Variants in VPS52 observed in about 807,000 individuals in gnomAD.
The protein encoded by VPS52 is vacuolar protein sorting-associated protein 52 homolog.
Under a neutral mutation model 98.7 loss-of-function variants are expected in VPS52, and 56 were observed. The observed-to-expected ratio is 0.57, with a 90% CI of 0.46 to 0.71. The LOEUF is 0.71. Ranked by LOEUF, VPS52 falls within the 30% of genes least tolerant of loss-of-function variation. The pLI is 0.00. For missense variants in VPS52, 742 were observed against 925.9 expected, an observed-to-expected ratio of 0.80 and a Z score of 2.58; for synonymous variants, 348 against 346.4, an observed-to-expected ratio of 1.00 and a Z score of -0.05.
intron 14 of VPS52, 134 bp from the exon 15 acceptor site, chr6:33,264,237 A>G (rs1460056849): frequency 1.9e-6 from 3 of 1,543,644 alleles, no homozygotes; most frequent in East Asian, 4.5e-5. Flanking sequence ...TGCACCACTC[A>G]CCATGAGTTT....
chr6:33,250,762 C>T lies in VPS52; in HGVS notation c.*79G>A, dbSNP rs1393069672. 6.5e-6 allele frequency: 10 copies of T among 1,546,418 alleles called. No individual in the cohort carries two copies. The highest frequency in any genetic ancestry group is 8.7e-6 in the Non-Finnish European group (10 of 1,144,632). ...GCAAGGGGAAAACTGGAAGGGGTAC[C>T]CCAGGTGAAGAAGGGTATGGAATGG... On this transcript the variant is annotated 3_prime_UTR_variant, in exon 20 of 20. Transcript: ENST00000445902.
Position 33,267,081 on chromosome 6 carries a change from G to T in VPS52, c.1125+107C>A. The T allele has an allele frequency of 2.1e-6, 3 of 1,401,358 alleles. No individual in the cohort carries two copies. The highest frequency in any genetic ancestry group is 2.8e-6 in the Non-Finnish European group (3 of 1,063,474). 86.8% of individuals were successfully genotyped at this position (1,401,358 alleles called of 1,614,324 possible). ...AGAAGGCCACTCCCAAGTCTAAGGG[G>T]ATTAAGACAGGGCCTGCAGGTTGGG... On this transcript the variant is annotated intron_variant, in intron 11 of 19. Transcript: ENST00000445902. This position sits in a 1 kb window ranked among gnomAD's most constrained non-coding sequence, Gnocchi z 4.2.
chr6:33,266,553 T>C lies in VPS52; in HGVS notation c.1281+4A>G. 6.3e-7 allele frequency: 1 copy of C among 1,597,172 alleles called. No homozygotes were observed. Among genetic ancestry groups the C allele is most frequent in the Non-Finnish European group, 8.5e-7 (1 of 1,170,710 alleles). ...TTGAATGGTACAGGAAACAGGAGTC[T>C]TACCAGGGTCATGCTGAGTGTACGG... On this transcript the variant is annotated splice_donor_region_variant and intron_variant, in intron 12 of 19. Transcript: ENST00000445902.
At chr6:33,257,878 T>C (rs1186903538) in intron 17 of VPS52, among the ~76,000 whole-genome samples, 1 of 152,056 alleles carries the variant, frequency 6.6e-6, no homozygotes, top group Non-Finnish European at 1.5e-5. Flanking sequence ...TAGCTGGGCA[T>C]ATGGCACACA....
chr6:33,251,008 AG>A, intron 19 of VPS52, 21 bp from the exon 20 acceptor site: 1 of 1,613,016 alleles, frequency 6.2e-7, no homozygotes, highest in Non-Finnish European at 8.5e-7. Flanking sequence ...AAAGTCATTG[AG>A]GGATCAAACC....
At chr6:33,260,724 G>A (rs1348712580) in intron 17 of VPS52, among the ~76,000 whole-genome samples, 2 of 152,168 alleles carry the variant, frequency 1.3e-5, no homozygotes, top group Non-Finnish European at 2.9e-5. Context: ...TCTAGGCCGG[G>A]TGCAGTGACT....
chr6:33,256,849 A>AG (rs1358471237), intron 17 of VPS52, among the ~76,000 whole-genome samples: 1 of 138,542 alleles, frequency 7.2e-6, no homozygotes. Flanking sequence ...CTAAAAAAAA[A>AG]AAAAAAGAAA....
Position 33,250,760 on chromosome 6 carries a change from AC to A in VPS52, c.*80del. On this transcript the variant is annotated 3_prime_UTR_variant, in exon 20 of 20. Transcript: ENST00000445902. ...AAGCAAGGGGAAAACTGGAAGGGGT[AC>A]CCCAGGTGAAGAAGGGTATGGAATG... 2 of 1,542,770 alleles carry A rather than the reference AC, an allele frequency of 1.3e-6. No homozygotes were observed. Among genetic ancestry groups the A allele is most frequent in the Non-Finnish European group, 8.8e-7 (1 of 1,142,034 alleles).
chr6:33,271,857 GGAAGTCT>G lies in VPS52; in HGVS notation c.-189_-183del. 1 of 1,347,884 alleles carries G rather than the reference GGAAGTCT, an allele frequency of 7.4e-7. No individual in the cohort carries two copies. Among genetic ancestry groups the G allele is most frequent in the Non-Finnish European group, 9.8e-7 (1 of 1,015,956 alleles). The allele number at this position is 1,347,884 out of a possible 1,614,324, so 83.5% of individuals were successfully genotyped here. A position where few individuals can be genotyped will look rare whatever the true frequency, so the allele number is the denominator to read the frequency against. On this transcript the variant is annotated 5_prime_UTR_variant, in exon 1 of 20. Coordinates refer to ENST00000445902, the MANE Select transcript of VPS52 (RefSeq NM_022553.6). ...TTCACCCAACTGCAAATGGAAATAT[GGAAGTCT>G]GAAACACAAACTAGCCCCGGAACCT...
intron 11 of VPS52, 86 bp from the exon 12 acceptor site, chr6:33,266,798 C>A (rs971265942): frequency 6.6e-7 from 1 of 1,504,186 alleles, no homozygotes; most frequent in Non-Finnish European, 9.0e-7. Context: ...AATCAGTAAA[C>A]CTGAGTAATA....
intron 19 of VPS52, among the ~76,000 whole-genome samples, 165 bp from the exon 20 acceptor site, chr6:33,251,152 G>A (rs1426630764): frequency 6.6e-6 from 1 of 152,128 alleles, no homozygotes; most frequent in East Asian, 1.9e-4. Flanking sequence ...GACCAGCCTG[G>A]CCAACACAGT....
rs1185998399 is a variant in VPS52 at position 33,267,876 on chromosome 6, T to C, written c.922A>G (p.Met308Val). 1 of 1,613,114 alleles carries C rather than the reference T, an allele frequency of 6.2e-7. No individual in the cohort carries two copies. The highest frequency in any genetic ancestry group is 1.7e-5 in the Admixed American group (1 of 60,020). Residue 308 changes from methionine to valine, a missense_variant, in exon 9 of 20, where the codon ATG becomes GTG. By Grantham distance (21) the Met-to-Val change is conservative. Around this residue, in one of 2 missense-constraint regions of VPS52, gnomAD observed 590 missense variants for 793.3 expected, o/e 0.74. Transcript: ENST00000445902. The surrounding 1 kb of genome is among the most constrained non-coding windows in gnomAD (Gnocchi z 4.2). ...SYYRSYLGRL[M>V]KVQYEEVAEK... ...CCTCCTGACCTTACCTGCACCTTCA[T>C]GAGCCGCCCCAGGTAAGAGCGGTAG...
intron 5 of VPS52, 61 bp from the exon 6 acceptor site, chr6:33,269,250 C>A: frequency 6.3e-7 from 1 of 1,594,102 alleles, no homozygotes; most frequent in Non-Finnish European, 8.6e-7. Context: ...AGTGGGCCAC[C>A]AAAGACTCTT....
chr6:33,266,620 C>G lies in VPS52; in HGVS notation c.1218G>C (p.Val406=). The change falls in exon 12 of 20, where the codon GTG becomes GTC. Residue 406 remains valine (V), a synonymous_variant. Coordinates refer to ENST00000445902, the MANE Select transcript of VPS52 (RefSeq NM_022553.6). ...EYLFICEFFV[V]SGPAAHDLFH... is the part of the protein sequence containing the mutation. ...ACAGGTCGTGTGCAGCTGGGCCAGA[C>G]ACAACAAAAAATTCACAGATGAAAA... is the stretch of plus-strand genomic sequence containing the variant. The G allele has an allele frequency of 6.2e-7, 1 of 1,612,770 alleles. No individual in the cohort carries two copies.
At position 33,267,593 on chromosome 6, in the gene VPS52, A is replaced by G; in HGVS notation, c.991+89T>C. On this transcript the variant is annotated intron_variant, in intron 10 of 19. Coordinates refer to ENST00000445902, the MANE Select transcript of VPS52 (RefSeq NM_022553.6). The surrounding 1 kb of genome is among the most constrained non-coding windows in gnomAD (Gnocchi z 4.2). The stretch of plus-strand genomic sequence containing the variant: ...TTCTAAAAGGTTTCAGTCCCATAGG[A>G]AAAGGTAAGGAGCAGTGCATTGGTG... The G allele has an allele frequency of 6.8e-7, 1 of 1,477,376 alleles. No individual in the cohort carries two copies. Among genetic ancestry groups the G allele is most frequent in the Non-Finnish European group, 9.3e-7 (1 of 1,074,000 alleles). The allele number at this position is 1,477,376 out of a possible 1,614,324, so 91.5% of individuals were successfully genotyped here.
At chr6:33,259,285 C>G (rs1049002433) in intron 17 of VPS52, among the ~76,000 whole-genome samples, 21 of 152,146 alleles carry the variant, frequency 1.4e-4, no homozygotes, top group African/African-American at 5.1e-4. Flanking sequence ...AACAAGCTAC[C>G]TAGATAACTT....
At chr6:33,270,770 G>A (rs1465170740) in intron 1 of VPS52, among the ~76,000 whole-genome samples, 1 of 152,032 alleles carries the variant, frequency 6.6e-6, no homozygotes, top group Non-Finnish European at 1.5e-5. Flanking sequence ...CTAACACAGT[G>A]AAACCCCGTC....
chr6:33,271,579 C>G lies in VPS52; in HGVS notation c.90+7G>C. ...ACTACGGAGGAGAAACAGCTCCGCG[C>G]TCTCACCAGCGGGCCCTCTTCCTCC... is the stretch of plus-strand genomic sequence containing the variant. On this transcript the variant is annotated splice_region_variant and intron_variant, in intron 1 of 19. Coordinates refer to ENST00000445902, the MANE Select transcript of VPS52 (RefSeq NM_022553.6). 1 of 1,600,416 alleles carries G rather than the reference C, an allele frequency of 6.2e-7. No homozygotes were observed. The highest frequency in any genetic ancestry group is 8.5e-7 in the Non-Finnish European group (1 of 1,173,548).
chr6:33,271,539 G>A (rs1410846068), intron 1 of VPS52, 47 bp downstream of exon 1: 1 of 1,563,110 alleles, frequency 6.4e-7, no homozygotes, highest in South Asian at 1.2e-5. Context: ...TCTTTCTGAA[G>A]CTAGGAGCAC....
Sources: gnomAD v4.1 joint callset for allele counts (sites outside exome capture counted in the v4.1 genomes callset) on GRCh38, gnomAD v4.1.1 for gene constraint, gnomAD v4.1.1 regional missense constraint, Gnocchi (gnomAD v3.1) non-coding constraint, MANE v1.5 for transcripts, NCBI Gene and HGNC (gene_info 2026-07-23, HGNC 2026-07-21) for gene names.